The following MYH8 variants were observed in gnomAD, a reference collection of about 807,000 sequenced individuals.
MYH8 encodes myosin heavy chain 8, also known as myosin-8.
Under a neutral mutation model 233.2 loss-of-function variants are expected in MYH8, and 168 were observed. That is an observed-to-expected ratio of 0.72 (90% CI 0.64 to 0.82). MYH8 has a LOEUF of 0.82. MYH8 is among the 40% of genes least tolerant of loss of function. MYH8 has a pLI of 0.00. For missense variants in MYH8, 1,995 were observed against 2,327.8 expected (o/e 0.86, Z 2.94); for synonymous variants, 785 against 850.6 (o/e 0.92, Z 1.34).
Position 10,394,527 on chromosome 17 carries a change from T to C in MYH8, c.4963-75A>G, listed in dbSNP as rs1208048656. The C allele has an allele frequency of 8.5e-6, 13 of 1,532,738 alleles. No individual in the cohort carries two copies. In the East Asian group the frequency reaches 2.8e-4, roughly 32 times the overall value. The allele number at this position is 1,532,738 out of a possible 1,614,324, so 94.9% of individuals were successfully genotyped here. A position where few individuals can be genotyped will look rare whatever the true frequency, so the allele number is the denominator to read the frequency against. ...AGATCCCAGGAGATGAACTGGGAGA[T>C]TGTACTGGTGACAGGAACAGAAGAT... is the stretch of plus-strand genomic sequence containing the variant. On this transcript the variant is annotated intron_variant, in intron 34 of 39. Coordinates refer to ENST00000403437, the MANE Select transcript of MYH8 (RefSeq NM_002472.3).
chr17:10,406,623 TC>T, intron 19 of MYH8, 66 bp downstream of exon 19: 1 of 1,452,748 alleles, frequency 6.9e-7, no homozygotes, highest in African/African-American at 1.4e-5. Context: ...ACTATATTAT[TC>T]GACTTCTTAA....
chr17:10,398,370 ATTG>A (rs1419144319), intron 30 of MYH8, 71 bp downstream of exon 30: 29 of 1,608,250 alleles, frequency 1.8e-5, no homozygotes, highest in African/African-American at 4.0e-5. Flanking sequence ...AGCTTTTGCT[ATTG>A]TTATGTTATC....
chr17:10,412,221 G>A (rs2072249480), intron 14 of MYH8, 149 bp downstream of exon 14: 1 of 1,477,388 alleles, frequency 6.8e-7, no homozygotes, highest in African/African-American at 1.4e-5. Flanking sequence ...AGTACATTAT[G>A]TTACCTCCTA....
intron 22 of MYH8, 116 bp from the exon 23 acceptor site, chr17:10,401,901 T>C: frequency 1.4e-6 from 2 of 1,383,344 alleles, no homozygotes; most frequent in Non-Finnish European, 2.0e-6. Flanking sequence ...TCAGTATGAA[T>C]ATAAATTTAA....
At chr17:10,416,193 G>C (rs1302204201) in intron 5 of MYH8, among the ~76,000 whole-genome samples, 4 of 152,104 alleles carry the variant, frequency 2.6e-5, no homozygotes, top group African/African-American at 9.7e-5. Flanking sequence ...TCATGTAAGA[G>C]GAATCATAGA....
chr17:10,406,617 T>C, intron 19 of MYH8, 73 bp downstream of exon 19: 2 of 1,422,676 alleles, frequency 1.4e-6, no homozygotes, highest in Non-Finnish European at 2.0e-6. Flanking sequence ...CACAAGACTA[T>C]ATTATTCGAC....
In MYH8 at chr17:10,417,171, G is replaced by C. The variant is rs974884469; in HGVS notation, c.512-1463C>G. Among the ~76,000 whole-genome samples, 2 of 152,128 alleles carry C rather than the reference G, an allele frequency of 1.3e-5. No homozygotes were observed. The highest frequency in any genetic ancestry group is 2.9e-5 in the Non-Finnish European group (2 of 68,022). The stretch of plus-strand genomic sequence containing the variant: ...GCATTTCTAAATAATAAAAACAAAT[G>C]TCACTAATTATGTGACTGATATGTT... On this transcript the variant is annotated intron_variant, in intron 5 of 39. Transcript: ENST00000403437. The surrounding 1 kb of genome is among the most constrained non-coding windows in gnomAD (Gnocchi z 4.1).
chr17:10,406,746 G>T lies in MYH8; in HGVS notation c.2115C>A (p.Ile705=), dbSNP rs749791030. Residue 705 remains isoleucine (I), a synonymous_variant, in exon 19 of 40, where the codon ATC becomes ATA. Coordinates refer to ENST00000403437, the MANE Select transcript of MYH8 (RefSeq NM_002472.3). Reference sequence around the variant, plus strand: ...TTGGGAATCCTTTCCTACAGATGCGGATGCCTTCCAGCACACCATTACACC... The same window carrying T: ...TTGGGAATCCTTTCCTACAGATGCGTATGCCTTCCAGCACACCATTACACC... ...QLRCNGVLEG[I]RICRKGFPSR... is the part of the protein sequence containing the mutation. 3.0e-5 allele frequency: 49 copies of T among 1,614,010 alleles called. No individual in the cohort carries two copies. Among genetic ancestry groups the T allele is most frequent in the Non-Finnish European group, 4.1e-5 (48 of 1,180,030 alleles).
Position 10,393,115 on chromosome 17 carries a change from T to C in MYH8, c.5262A>G (p.Ala1754=). Residue 1754 remains alanine (A), a synonymous_variant, in exon 36 of 40, where the codon GCA becomes GCG. Transcript: ENST00000403437. ...TGATGGCCTTCTTGGCTTTCTCTTC[T>C]GCATTGCGTGATTCTTGGATTACTT... ...VEEVIQESRN[A]EEKAKKAITD... is the part of the protein sequence containing the mutation. 2 of 1,614,258 alleles carry C rather than the reference T, an allele frequency of 1.2e-6. No homozygotes were observed. Among genetic ancestry groups the C allele is most frequent in the Non-Finnish European group, 1.7e-6 (2 of 1,180,054 alleles).
rs1555556565 is a variant in MYH8 at position 10,404,751 on chromosome 17, A to ACACACG, written c.2433-167_2433-166insCGTGTG. On this transcript the variant is annotated intron_variant, in intron 21 of 39. Transcript: ENST00000403437. ...TACACACACACACACACACACACAC[A>ACACACG]TGTACACACATTCTCGCGCTCACAC... Among the ~76,000 whole-genome samples the ACACACG allele has an allele frequency of 4.3e-3, 644 of 149,084 alleles. 44 individuals are homozygous for ACACACG. The highest frequency in any genetic ancestry group is 0.01 in the African/African-American group (402 of 39,458).
intron 15 of MYH8, among the ~76,000 whole-genome samples, chr17:10,410,023 G>T (rs914592235): frequency 1.3e-5 from 2 of 152,074 alleles, no homozygotes; most frequent in African/African-American, 4.8e-5. Context: ...TAGATTATAG[G>T]CTGAGCACAG....
Position 10,396,541 on chromosome 17 carries a change from G to A in MYH8, c.4528+12C>T. On this transcript the variant is annotated intron_variant, in intron 32 of 39. Transcript: ENST00000403437. This position sits in a 1 kb window ranked among gnomAD's most constrained non-coding sequence, Gnocchi z 4.2. Reference sequence around the variant, plus strand: ...AGGGATATATGGAGTAGGGAGGACTGTGAGGACTCACGTTGCAAGTTCTTA... The same window carrying A: ...AGGGATATATGGAGTAGGGAGGACTATGAGGACTCACGTTGCAAGTTCTTA... 6.2e-7 allele frequency: 1 copy of A among 1,613,918 alleles called. No homozygotes were observed. Among genetic ancestry groups the A allele is most frequent in the Non-Finnish European group, 8.5e-7 (1 of 1,179,890 alleles).
intron 11 of MYH8, 53 bp downstream of exon 11, chr17:10,414,139 C>G: frequency 6.2e-7 from 1 of 1,607,934 alleles, no homozygotes; most frequent in South Asian, 1.1e-5. Flanking sequence ...CAGTAGTTTG[C>G]TATTGTCATT....
chr17:10,415,409 C>T lies in MYH8; in HGVS notation c.649-25G>A, dbSNP rs1363143965. Reference sequence around the variant, plus strand: ...CCTGCAAAGGAAGGAGCAGTTCTCACATCTGGGACTCCAGATGTCTGAGAG... The same window carrying T: ...CCTGCAAAGGAAGGAGCAGTTCTCATATCTGGGACTCCAGATGTCTGAGAG... On this transcript the variant is annotated intron_variant, in intron 7 of 39. Transcript: ENST00000403437. This position sits in a 1 kb window ranked among gnomAD's most constrained non-coding sequence, Gnocchi z 4.1. 1.9e-6 allele frequency: 3 copies of T among 1,613,650 alleles called. No individual in the cohort carries two copies. The highest frequency in any genetic ancestry group is 2.5e-6 in the Non-Finnish European group (3 of 1,179,510).
Position 10,415,323 on chromosome 17 carries a change from T to C in MYH8, c.710A>G (p.Lys237Arg). The C allele has an allele frequency of 6.2e-7, 1 of 1,614,192 alleles. No homozygotes were observed. The highest frequency in any genetic ancestry group is 8.5e-7 in the Non-Finnish European group (1 of 1,180,020). ...AGAGGAGTTGTCATTCCTCACAGTT[T>C]TGGCATTGCCAAAGGCCTCCAGTAG... ...NPLLEAFGNAKTVRNDNSSRF... is the reference protein window; with the variant it reads ...NPLLEAFGNARTVRNDNSSRF... Residue 237 changes from lysine to arginine, a missense_variant, in exon 8 of 40, where the codon AAA becomes AGA. By Grantham distance (26) the Lys-to-Arg change is conservative (BLOSUM62 2). Coordinates refer to ENST00000403437, the MANE Select transcript of MYH8 (RefSeq NM_002472.3). This position sits in a 1 kb window ranked among gnomAD's most constrained non-coding sequence, Gnocchi z 4.1.
chr17:10,398,977 T>C (rs2072106466), intron 28 of MYH8, 91 bp from the exon 29 acceptor site: 4 of 608,378 alleles, frequency 6.6e-6, no homozygotes, highest in Non-Finnish European at 1.1e-5. Context: ...TATATATATA[T>C]GTATATATGT....
Position 10,420,178 on chromosome 17 carries a change from G to A in MYH8, c.50C>T (p.Pro17Leu). 3 of 1,613,994 alleles carry A rather than the reference G, an allele frequency of 1.9e-6. No homozygotes were observed. In the South Asian group the frequency reaches 3.3e-5, roughly 18 times the overall value. The change falls in exon 3 of 40, where the codon CCC becomes CTC. Residue 17 changes from proline to leucine, a missense_variant. Physicochemically the swap from Pro to Leu is moderately conservative, Grantham distance 98. Transcript: ENST00000403437. ...AEMAVFGEAA[P>L]YLRKSEKERI... ...CTCCTTTTCTGATTTTCGAAGGTAG[G>A]GAGCAGCTTCGCCAAAAACAGCCAT...
rs532383263 is a variant in MYH8, at chr17:10,405,970, TAATG to T, written c.2432+67_2432+70del. ...ACTATTAGCCACCAAATGAAAGAAT[TAATG>T]AATGAACAAGACTGATTGATAGTCC... On this transcript the variant is annotated intron_variant, in intron 21 of 39. Transcript: ENST00000403437. 2,139 of 1,571,510 alleles carry T rather than the reference TAATG, an allele frequency of 1.4e-3. 1 individual carries two copies. The highest frequency in any genetic ancestry group is 1.8e-3 in the Non-Finnish European group (2,015 of 1,145,530).
chr17:10,407,011 A>C, intron 17 of MYH8, 32 bp from the exon 18 acceptor site: 4 of 1,561,486 alleles, frequency 2.6e-6, no homozygotes, highest in Non-Finnish European at 3.5e-6. Context: ...ACTTGATGAA[A>C]AAGTTCTATT....
Sources: allele counts gnomAD v4.1 joint callset (sites outside exome capture counted in the v4.1 genomes callset), GRCh38; gene constraint gnomAD v4.1.1; non-coding constraint Gnocchi (gnomAD v3.1); transcripts MANE v1.5; gene names NCBI Gene and HGNC (gene_info 2026-07-23, HGNC 2026-07-21).